XXYLT1: variants seen among roughly 807,000 people sequenced by gnomAD.
XXYLT1 encodes UDP-xylose:alpha-xyloside alpha-1,3-xylosyltransferase.
Under a neutral mutation model 28.9 loss-of-function variants are expected in XXYLT1, and 20 were observed. That is an observed-to-expected ratio of 0.69 (90% CI 0.49 to 1.00). The LOEUF (loss-of-function observed/expected upper bound fraction) is 1.00. XXYLT1 is among the 50% of genes least tolerant of loss of function. The pLI, the probability that XXYLT1 is intolerant of heterozygous loss-of-function variation, is 0.00. For synonymous variants in XXYLT1, 257 were observed against 253.8 expected, an observed-to-expected ratio of 1.01 and a Z score of -0.12; for missense variants, 542 against 560.1, an observed-to-expected ratio of 0.97 and a Z score of 0.33.
At chr3:195,142,806 G>A (rs919527496) in intron 3 of XXYLT1, among the ~76,000 whole-genome samples, 1 of 152,202 alleles carries the variant, frequency 6.6e-6, no homozygotes, top group Admixed American at 6.5e-5. Flanking sequence ...ATGGTGAAGT[G>A]GGAAGCAGTG....
rs951024464 is a variant in XXYLT1 at position 195,078,975 on chromosome 3, T to A, written c.786-8864A>T. ...GACCAGACGCACTCTGCTCCAGTGA[T>A]GGGAACTGAGATCCCTCTCTGGCGG... is the stretch of plus-strand genomic sequence containing the variant. On this transcript the variant is annotated intron_variant, in intron 3 of 3. Transcript: ENST00000310380. This position sits in a 1 kb window ranked among gnomAD's most constrained non-coding sequence, Gnocchi z 5.0. Among the ~76,000 whole-genome samples the A allele has an allele frequency of 6.6e-6, 1 of 152,166 alleles. No homozygotes were observed. Among genetic ancestry groups the A allele is most frequent in the Non-Finnish European group, 1.5e-5 (1 of 68,028 alleles).
intron 3 of XXYLT1, among the ~76,000 whole-genome samples, chr3:195,137,080 C>T (rs1719238007): frequency 6.6e-6 from 1 of 152,170 alleles, no homozygotes. Context: ...ATCCTTCAAT[C>T]ATACAGGTAC....
At chr3:195,197,441 T>TAAAAA (rs59076636) in intron 2 of XXYLT1, among the ~76,000 whole-genome samples, 1 of 106,174 alleles carries the variant, frequency 9.4e-6, no homozygotes, top group Non-Finnish European at 2.1e-5. Context: ...AGTCTCAATT[T>TAAAAA]AAAAAAAAAA....
intron 3 of XXYLT1, among the ~76,000 whole-genome samples, chr3:195,108,169 C>T (rs985525588): frequency 9.2e-5 from 14 of 152,244 alleles, no homozygotes; most frequent in African/African-American, 3.1e-4. Context: ...AGTTCTGGGC[C>T]TGGCCTGCAA....
intron 2 of XXYLT1, among the ~76,000 whole-genome samples, chr3:195,182,741 C>T (rs577151844): frequency 6.6e-6 from 1 of 152,216 alleles, no homozygotes; most frequent in East Asian, 1.9e-4. Context: ...AAAGACCTTA[C>T]ATTTTTCATC....
At chr3:195,146,737 G>T (rs990773402) in intron 3 of XXYLT1, 1 of 152,396 alleles carries the variant, frequency 6.6e-6, no homozygotes, top group Non-Finnish European at 1.5e-5. Flanking sequence ...TAGAGACAGG[G>T]TCTCGCTATG....
rs1336702349 is a variant in XXYLT1, at chr3:195,173,294, C to G, written c.653-16713G>C. ...GACAGAGAGTGTAGCTGCTACTCCT[C>G]AAGGAAAGAAAATACCAGGAAGGCT... On this transcript the variant is annotated intron_variant, in intron 2 of 3. Transcript: ENST00000310380. The surrounding 1 kb of genome is among the most constrained non-coding windows in gnomAD (Gnocchi z 4.3). Among the ~76,000 whole-genome samples the G allele has an allele frequency of 6.6e-6, 1 of 152,190 alleles. No individual in the cohort carries two copies. Among genetic ancestry groups the G allele is most frequent in the Non-Finnish European group, 1.5e-5 (1 of 68,038 alleles).
At chr3:195,169,899 CTT>C (rs1248951736) in intron 2 of XXYLT1, among the ~76,000 whole-genome samples, 146 of 142,104 alleles carry the variant, frequency 1.0e-3, no homozygotes, top group African/African-American at 3.7e-3. Context: ...GAGTTTTGCT[CTT>C]GTTGCCCAGC....
chr3:195,082,482 C>A (rs1363547975), intron 3 of XXYLT1, among the ~76,000 whole-genome samples: 1 of 152,164 alleles, frequency 6.6e-6, no homozygotes, highest in Non-Finnish European at 1.5e-5. Context: ...CTGGGACTTC[C>A]TTCCCTCAGG....
intron 2 of XXYLT1, among the ~76,000 whole-genome samples, chr3:195,163,120 A>T (rs1720956068): frequency 6.6e-6 from 1 of 152,136 alleles, no homozygotes; most frequent in Non-Finnish European, 1.5e-5. Context: ...TTTTTTTCAG[A>T]GACCCCTGGG....
At chr3:195,132,582 A>T (rs555428470) in intron 3 of XXYLT1, among the ~76,000 whole-genome samples, 283 of 152,382 alleles carry the variant, frequency 1.9e-3, no homozygotes, top group Middle Eastern at 3.4e-3. Flanking sequence ...CCATTAATTT[A>T]AACTGCATTT....
chr3:195,140,003 A>G (rs1485122211), intron 3 of XXYLT1, among the ~76,000 whole-genome samples: 1 of 152,192 alleles, frequency 6.6e-6, no homozygotes, highest in Non-Finnish European at 1.5e-5. Flanking sequence ...TCTGCAAGAC[A>G]TCTTTAGGCT....
At chr3:195,119,666 AGG>A in intron 3 of XXYLT1, among the ~76,000 whole-genome samples, 1 of 37,122 alleles carries the variant, frequency 2.7e-5, no homozygotes, top group Non-Finnish European at 7.3e-5. Context: ...CCCAGATGAG[AGG>A]AGGCCTCCGA....
At chr3:195,071,279 C>T (rs960574076) in intron 3 of XXYLT1, among the ~76,000 whole-genome samples, 3 of 152,136 alleles carry the variant, frequency 2.0e-5, no homozygotes, top group Non-Finnish European at 4.4e-5. Flanking sequence ...GAGATGCTGC[C>T]CCACCGGCCC....
rs937420328 is a variant in XXYLT1 at position 195,138,623 on chromosome 3, C to T, written c.785+17826G>A. ...CTGTAATCCCAGCACTTTGAGAGGC[C>T]GAGGCGGGTGGGTCACAAGTGAGGA... On this transcript the variant is annotated intron_variant, in intron 3 of 3. Coordinates refer to ENST00000310380, the MANE Select transcript of XXYLT1 (RefSeq NM_152531.5). 4.6e-5 allele frequency among the ~76,000 whole-genome samples: 7 copies of T among 152,076 alleles called. No individual in the cohort carries two copies. The East Asian group carries it at 9.7e-4, about 21-fold the overall frequency.
intron 2 of XXYLT1, among the ~76,000 whole-genome samples, chr3:195,159,761 G>A (rs1047693387): frequency 5.3e-5 from 8 of 152,126 alleles, no homozygotes; most frequent in South Asian, 2.1e-4. Context: ...GCTGGCGGCC[G>A]ATGCTTCCGT....
At chr3:195,177,936 T>TAA (rs56022005) in intron 2 of XXYLT1, among the ~76,000 whole-genome samples, 1,283 of 115,568 alleles carry the variant, frequency 0.011, 31 homozygotes, top group African/African-American at 0.044. Flanking sequence ...CTCTGTCTCT[T>TAA]AAAAAAAAAA....
chr3:195,214,116 C>T (rs534151915), intron 2 of XXYLT1, among the ~76,000 whole-genome samples: 4 of 152,254 alleles, frequency 2.6e-5, no homozygotes, highest in East Asian at 1.9e-4. Context: ...CCTCCAGCCC[C>T]GTTTGCCTGA....
At chr3:195,214,990 A>G in intron 2 of XXYLT1, 1 of 151,646 alleles carries the variant, frequency 6.6e-6, no homozygotes, top group Non-Finnish European at 1.5e-5. Flanking sequence ...AAACCCTACA[A>G]GCCAGAAGAG....
Sources: allele counts gnomAD v4.1 joint callset (sites outside exome capture counted in the v4.1 genomes callset), GRCh38; gene constraint gnomAD v4.1.1; non-coding constraint Gnocchi (gnomAD v3.1); transcripts MANE v1.5; gene names NCBI Gene and HGNC (gene_info 2026-07-23, HGNC 2026-07-21).